USP22: variants seen among roughly 807,000 people sequenced by gnomAD.
USP22 encodes ubiquitin specific peptidase 22.
In USP22, 22 loss-of-function variants were observed where a neutral mutation model predicts 68.1. The ratio of observed to expected loss-of-function variants is 0.32; its 90% CI spans 0.23 to 0.46. The LOEUF (loss-of-function observed/expected upper bound fraction) is 0.46. USP22 is among the 20% of genes least tolerant of loss of function. USP22 has a pLI of 1.00. For missense variants in USP22, 433 were observed against 695.8 expected (o/e 0.62, Z 4.25); for synonymous variants, 279 against 274.2 (o/e 1.02, Z -0.17).
intron 9 of USP22, among the ~76,000 whole-genome samples, 187 bp downstream of exon 9, chr17:21,007,683 C>G (rs1343638171): frequency 6.6e-6 from 1 of 152,140 alleles, no homozygotes; most frequent in Admixed American, 6.6e-5. Flanking sequence ...TTTTGTTTAC[C>G]GCAGCACAGA....
chr17:21,042,892 C>G lies in USP22; in HGVS notation c.-57G>C. ...GGCGGCGAGGGAGGCGAGGACGACGCCAGCGCGGCGTGGGGGCTGCTCGGC... is the reference window on the plus strand; with the variant it reads ...GGCGGCGAGGGAGGCGAGGACGACGGCAGCGCGGCGTGGGGGCTGCTCGGC... On this transcript the variant is annotated 5_prime_UTR_variant, in exon 1 of 13. Transcript: ENST00000261497. 1 of 1,169,288 alleles carries G rather than the reference C, an allele frequency of 8.6e-7. No individual in the cohort carries two copies. The highest frequency in any genetic ancestry group is 1.1e-6 in the Non-Finnish European group (1 of 933,866). The allele number at this position is 1,169,288 out of a possible 1,614,324, so 72.4% of individuals were successfully genotyped here.
intron 2 of USP22, among the ~76,000 whole-genome samples, chr17:21,027,252 C>T (rs986720164): frequency 7.6e-6 from 1 of 131,938 alleles, no homozygotes; most frequent in Non-Finnish European, 1.6e-5. Context: ...CGCGCCACTG[C>T]ACTCCAGCCT....
At position 21,015,827 on chromosome 17, in the gene USP22, G is replaced by A; in HGVS notation, c.763C>T (p.Leu255=). 3 of 1,614,110 alleles carry A rather than the reference G, an allele frequency of 1.9e-6. No homozygotes were observed. The highest frequency in any genetic ancestry group is 2.5e-6 in the Non-Finnish European group (3 of 1,180,026). Residue 255 remains leucine (L), a synonymous_variant, in exon 6 of 13, where the codon CTA becomes TTA. Coordinates refer to ENST00000261497, the MANE Select transcript of USP22 (RefSeq NM_015276.2). ...GCGTCCTGCTGCTCGTAGCCTGCTA[G>A]GTGCCTCGCGTGGGTCCACACCAGG... is the stretch of plus-strand genomic sequence containing the variant. ...LHLVWTHARH[L]AGYEQQDAHE...
intron 7 of USP22, chr17:21,011,530 G>A (rs913064861): frequency 1.9e-6 from 1 of 535,992 alleles, no homozygotes; most frequent in Non-Finnish European, 3.3e-6. Flanking sequence ...CTCGGAAGGC[G>A]AGGGGCGCTC....
intron 1 of USP22, among the ~76,000 whole-genome samples, chr17:21,035,258 A>G (rs1972339179): frequency 6.6e-6 from 1 of 152,206 alleles, no homozygotes; most frequent in South Asian, 2.1e-4. Flanking sequence ...CTGCTAACAT[A>G]TAATAATAAA....
chr17:21,043,101 G>A (rs867617427), upstream of USP22: 65 of 164,886 alleles, frequency 3.9e-4, 1 homozygote, highest in African/African-American at 1.5e-3. Flanking sequence ...GGGGCGCCGC[G>A]GCCGCGGACG....
rs376506784 is a variant in USP22 at position 21,040,887 on chromosome 17, CT to C, written c.171+1777del. Among the ~76,000 whole-genome samples the C allele has an allele frequency of 6.5e-4, 93 of 142,852 alleles. 1 individual carries two copies. The highest frequency in any genetic ancestry group is 7.3e-4 in the African/African-American group (28 of 38,412). 93.7% of individuals were successfully genotyped at this position (142,852 alleles called of 152,430 possible). ...GAAGACTGGCTTCAACCAGGCCACC[CT>C]TTTTTTTTTTTTTCCGGAGGGGGTC... On this transcript the variant is annotated intron_variant, in intron 1 of 12. Transcript: ENST00000261497.
At chr17:21,003,963 C>A (rs996480083) in intron 12 of USP22, among the ~76,000 whole-genome samples, 3 of 151,818 alleles carry the variant, frequency 2.0e-5, no homozygotes, top group African/African-American at 7.3e-5. Context: ...AAAACAACTG[C>A]TCTGACGTTC....
At chr17:21,034,186 G>T (rs978378591) in intron 1 of USP22, among the ~76,000 whole-genome samples, 1 of 152,004 alleles carries the variant, frequency 6.6e-6, no homozygotes, top group Non-Finnish European at 1.5e-5. Context: ...CCTCAATCTC[G>T]GAGCCAAAAT....
At chr17:21,014,174 T>C (rs1914060430) in intron 6 of USP22, among the ~76,000 whole-genome samples, 1 of 152,282 alleles carries the variant, frequency 6.6e-6, no homozygotes, top group African/African-American at 2.4e-5. Context: ...GCCACCTCGC[T>C]GAACAGCTCT....
chr17:21,002,606 G>A lies in USP22; in HGVS notation c.*425C>T, dbSNP rs561060298. 2.5e-4 allele frequency: 53 copies of A among 210,710 alleles called. No homozygotes were observed. The highest frequency in any genetic ancestry group is 1.4e-3 in the Admixed American group (27 of 18,852). 13.1% of individuals were successfully genotyped at this position (210,710 alleles called of 1,614,324 possible). On this transcript the variant is annotated 3_prime_UTR_variant, in exon 13 of 13. Coordinates refer to ENST00000261497, the MANE Select transcript of USP22 (RefSeq NM_015276.2). ...AGGCATCTGCAAGGCCCTCTGTCCC[G>A]CACACTACACCTCTGTGTCCAGCTT...
At chr17:21,042,639 G>C (rs1318607828) in intron 1 of USP22, 26 bp downstream of exon 1, 2 of 1,259,392 alleles carry the variant, frequency 1.6e-6, no homozygotes, top group Non-Finnish European at 2.0e-6. Flanking sequence ...CCCCGAGCCC[G>C]CCGCGCGGTG....
chr17:21,041,956 G>A (rs1005868728), intron 1 of USP22, among the ~76,000 whole-genome samples: 8 of 151,964 alleles, frequency 5.3e-5, no homozygotes, highest in Non-Finnish European at 1.0e-4. Flanking sequence ...CCACAGGCTC[G>A]CCCCGGCCCC....
rs115421705 is a variant in USP22, at chr17:21,024,688, T to C, written c.305-3462A>G. Among the ~76,000 whole-genome samples, 1,364 of 152,184 alleles carry C rather than the reference T, an allele frequency of 9.0e-3. 19 individuals carry two copies. The highest frequency in any genetic ancestry group is 0.031 in the African/African-American group (1,307 of 41,498). On this transcript the variant is annotated intron_variant, in intron 2 of 12. Coordinates refer to ENST00000261497, the MANE Select transcript of USP22 (RefSeq NM_015276.2). ...AACAAAAGAAAAAATAAAACCAGGC[T>C]GGGCAGCAGCAGCTCACACCTGGAA...
chr17:21,014,725 G>A (rs1023412524), intron 6 of USP22, among the ~76,000 whole-genome samples: 16 of 152,122 alleles, frequency 1.1e-4, no homozygotes, highest in Admixed American at 5.9e-4. Flanking sequence ...TCGGTGAACC[G>A]TCAGAACAGG....
rs1186066518 is a variant in USP22 at position 21,019,166 on chromosome 17, T to G, written c.438A>C (p.Ser146=). The G allele has an allele frequency of 6.2e-7, 1 of 1,614,152 alleles. No individual in the cohort carries two copies. Among genetic ancestry groups the G allele is most frequent in the Non-Finnish European group, 8.5e-7 (1 of 1,179,984 alleles). The change falls in exon 4 of 13, where the codon TCA becomes TCC. Residue 146 remains serine (S), a synonymous_variant. Coordinates refer to ENST00000261497, the MANE Select transcript of USP22 (RefSeq NM_015276.2). ...WKMQGVGEKF[S]TWEPTKRELE... ...GCTCCCGTTTGGTTGGTTCCCAAGT[T>G]GAAAACTTCTCTCCAACGCCTAAGC...
intron 1 of USP22, among the ~76,000 whole-genome samples, chr17:21,036,407 T>C (rs1188872431): frequency 6.7e-6 from 1 of 149,830 alleles, no homozygotes; most frequent in African/African-American, 2.5e-5. Context: ...ATTACACATA[T>C]AGGACACAAC....
intron 10 of USP22, among the ~76,000 whole-genome samples, chr17:21,005,919 G>A (rs146888616): frequency 4.3e-4 from 65 of 152,250 alleles, no homozygotes; most frequent in African/African-American, 6.3e-4. Flanking sequence ...CAATGACCAC[G>A]GTCATGACAG....
chr17:21,032,585 C>A (rs1318142168), intron 1 of USP22, among the ~76,000 whole-genome samples: 3 of 152,122 alleles, frequency 2.0e-5, no homozygotes, highest in Non-Finnish European at 4.4e-5. Context: ...TTACAGCAGG[C>A]CCGGTCACTC....
Sources: allele counts gnomAD v4.1 joint callset (sites outside exome capture counted in the v4.1 genomes callset), GRCh38; gene constraint gnomAD v4.1.1; transcripts MANE v1.5; gene names NCBI Gene and HGNC (gene_info 2026-07-23, HGNC 2026-07-21).